Variants in ACSL5 observed in about 807,000 individuals in gnomAD.
The protein encoded by ACSL5 is long-chain-fatty-acid--CoA ligase 5.
Under a neutral mutation model 84.9 loss-of-function variants are expected in ACSL5, and 50 were observed. The ratio of observed to expected loss-of-function variants is 0.59; its 90% confidence interval spans 0.47 to 0.75. The LOEUF (loss-of-function observed/expected upper bound fraction) is 0.75. Ranked by LOEUF, ACSL5 falls within the 30% of genes least tolerant of loss-of-function variation. ACSL5 has a pLI of 0.00. For missense variants in ACSL5, 775 were observed against 830.4 expected (o/e 0.93, Z 0.82); for synonymous variants, 280 against 300.7 (o/e 0.93, Z 0.71).
At chr10:112,425,544 A>C (rs1292085122) in intron 18 of ACSL5, 63 bp downstream of exon 18, 1 of 1,373,118 alleles carries the variant, frequency 7.3e-7, no homozygotes, top group Non-Finnish European at 9.7e-7. Context: ...TTGTAGCTAC[A>C]GGAAATTTGT....
chr10:112,428,230 T>G lies in ACSL5; in HGVS notation c.*872T>G, dbSNP rs1401456951. 2 of 380,088 alleles carry G rather than the reference T, an allele frequency of 5.3e-6. No homozygotes were observed. The highest frequency in any genetic ancestry group is 4.1e-5 in the African/African-American group (2 of 48,220). 23.5% of individuals were successfully genotyped at this position (380,088 alleles called of 1,614,324 possible). On this transcript the variant is annotated 3_prime_UTR_variant, in exon 21 of 21. Transcript: ENST00000354655. ...AACAAAGATCTACAGGCAAGCAAGA[T>G]GCCCACACAACAGGCTTATTTTCTG...
intron 1 of ACSL5, among the ~76,000 whole-genome samples, chr10:112,382,887 C>G (rs923330358): frequency 6.6e-6 from 1 of 152,214 alleles, no homozygotes; most frequent in Non-Finnish European, 1.5e-5. Flanking sequence ...GAAACTACTA[C>G]TTAGCTACCA....
intron 3 of ACSL5, among the ~76,000 whole-genome samples, chr10:112,403,592 A>T (rs914733593): frequency 9.9e-5 from 15 of 152,246 alleles, no homozygotes; most frequent in Admixed American, 1.3e-4. Flanking sequence ...AGCCTTGAAG[A>T]AAGTTTTTAA....
At chr10:112,381,796 G>T (rs1849356354) in intron 1 of ACSL5, among the ~76,000 whole-genome samples, 1 of 151,964 alleles carries the variant, frequency 6.6e-6, no homozygotes, top group South Asian at 2.1e-4. Context: ...GTGAAACCTA[G>T]TCTCTACCAA....
intron 14 of ACSL5, among the ~76,000 whole-genome samples, chr10:112,419,100 ATC>A (rs1379005802): frequency 1.6e-5 from 1 of 62,998 alleles, no homozygotes; most frequent in Non-Finnish European, 3.3e-5. Context: ...CACACAATGT[ATC>A]TGTGTGTGTG....
rs748431697 is a variant in ACSL5 at position 112,409,643 on chromosome 10, G to A, written c.669G>A (p.Gly223=). 18 of 1,614,050 alleles carry A rather than the reference G, an allele frequency of 1.1e-5. No homozygotes were observed. The highest frequency in any genetic ancestry group is 1.6e-4 in the Middle Eastern group (1 of 6,080). ...DPFDDDLKQR[G]EKSGIEILSL... ...TTGATGATGACCTGAAGCAAAGAGG[G>A]GAGAAGAGTGGAATTGAGATCTTAT... Residue 223 remains glycine, a synonymous_variant, in exon 7 of 21, where the codon GGG becomes GGA. Transcript: ENST00000354655.
intron 1 of ACSL5, among the ~76,000 whole-genome samples, chr10:112,380,764 T>G (rs1849334122): frequency 6.6e-6 from 1 of 152,164 alleles, no homozygotes; most frequent in Non-Finnish European, 1.5e-5. Flanking sequence ...ATTGTCATCC[T>G]TTTTTGTTTT....
intron 1 of ACSL5, among the ~76,000 whole-genome samples, chr10:112,384,075 A>G (rs1435622860): frequency 6.6e-6 from 1 of 152,006 alleles, no homozygotes; most frequent in Non-Finnish European, 1.5e-5. Flanking sequence ...AATCCCAGCT[A>G]CTTGGGAGGC....
intron 3 of ACSL5, among the ~76,000 whole-genome samples, chr10:112,401,894 C>T (rs1313138821): frequency 1.4e-5 from 2 of 144,496 alleles, no homozygotes; most frequent in Non-Finnish European, 3.0e-5. Context: ...TTCTTTCTTT[C>T]TTTCCTTTTC....
chr10:112,401,790 T>C (rs12769807), intron 3 of ACSL5, among the ~76,000 whole-genome samples: 32,409 of 93,378 alleles, frequency 0.35, 3,893 homozygotes, highest in African/African-American at 0.44. Flanking sequence ...TTCTTTCTCT[T>C]TCTTTCTTTC....
chr10:112,374,130 A>AT lies in ACSL5; in HGVS notation c.-169_-168insT, dbSNP rs1244547883. ...GTGTGTTGGCCACTCTCAGGACAGT[A>AT]CACAGTAGCTTCGGGTGTGTCCCAG... On this transcript the variant is annotated 5_prime_UTR_variant, in exon 1 of 21. Transcript: ENST00000354655. The AT allele has an allele frequency of 6.6e-6, 1 of 152,228 alleles. No homozygotes were observed. The allele number at this position is 152,228 out of a possible 1,614,324, so 9.4% of individuals were successfully genotyped here.
chr10:112,380,074 C>G (rs2133560342), intron 1 of ACSL5, among the ~76,000 whole-genome samples: 1 of 152,256 alleles, frequency 6.6e-6, no homozygotes, highest in East Asian at 1.9e-4. Flanking sequence ...TGGTCAGCAG[C>G]AGGCCTGGGA....
chr10:112,380,550 T>C (rs1225442677), intron 1 of ACSL5, among the ~76,000 whole-genome samples: 1 of 151,952 alleles, frequency 6.6e-6, no homozygotes, highest in African/African-American at 2.4e-5. Flanking sequence ...GTCCCACTTG[T>C]CCCACTTTAG....
intron 5 of ACSL5, among the ~76,000 whole-genome samples, chr10:112,407,103 A>C (rs1037247755): frequency 6.6e-6 from 1 of 152,238 alleles, no homozygotes; most frequent in East Asian, 1.9e-4. Context: ...CTTATTTACT[A>C]TCATGAGAAT....
intron 1 of ACSL5, among the ~76,000 whole-genome samples, chr10:112,385,380 T>C (rs1231587997): frequency 6.6e-6 from 1 of 152,198 alleles, no homozygotes; most frequent in African/African-American, 2.4e-5. Flanking sequence ...TGTCTTTCTA[T>C]GAGATAAGCT....
chr10:112,394,903 T>C lies in ACSL5; in HGVS notation c.-29-15T>C. 6.2e-7 allele frequency: 1 copy of C among 1,606,682 alleles called. No homozygotes were observed. Among genetic ancestry groups the C allele is most frequent in the Non-Finnish European group, 8.5e-7 (1 of 1,176,772 alleles). On this transcript the variant is annotated splice_polypyrimidine_tract_variant and intron_variant, in intron 1 of 20. Transcript: ENST00000354655. ...CATTTCCTCTAAATTTTCTTTCCCC[T>C]GTTTTTTTTTTAAGGTCTGAATTTC... is the stretch of plus-strand genomic sequence containing the variant.
At chr10:112,425,261 CTG>C (rs1844622756) in intron 17 of ACSL5, 75 bp from the exon 18 acceptor site, 3 of 1,308,986 alleles carry the variant, frequency 2.3e-6, no homozygotes, top group African/African-American at 1.5e-5. Context: ...AGAAAGATGA[CTG>C]TGACTTCACC....
chr10:112,426,489 G>A, intron 19 of ACSL5, 130 bp downstream of exon 19: 1 of 710,634 alleles, frequency 1.4e-6, no homozygotes, highest in Non-Finnish European at 2.4e-6. Flanking sequence ...ATGGGACTCG[G>A]GGATAGGATG....
intron 5 of ACSL5, among the ~76,000 whole-genome samples, chr10:112,408,065 C>T (rs1026639687): frequency 4.0e-5 from 6 of 151,748 alleles, no homozygotes; most frequent in African/African-American, 1.5e-4. Context: ...TTGGGAGGCC[C>T]AGGTAGGCAG....
Sources: allele counts gnomAD v4.1 joint callset (sites outside exome capture counted in the v4.1 genomes callset), GRCh38; gene constraint gnomAD v4.1.1; transcripts MANE v1.5; gene names NCBI Gene and HGNC (gene_info 2026-07-23, HGNC 2026-07-21).